BACE2: variants seen among roughly 807,000 people sequenced by gnomAD.
BACE2 encodes beta-secretase 2, also known as 56 kDa aspartic-like protease.
A neutral mutation model predicts 46.2 loss-of-function variants in BACE2; 17 were observed. The ratio of observed to expected loss-of-function variants is 0.37; its 90% CI spans 0.25 to 0.55. The LOEUF is 0.55. Ranked by LOEUF, BACE2 falls within the 20% of genes least tolerant of loss-of-function variation. The pLI is 0.82. For missense variants in BACE2, 595 were observed against 698.1 expected (o/e 0.85, Z 1.66); for synonymous variants, 277 against 295.9 (o/e 0.94, Z 0.66).
chr21:41,219,692 T>A (rs1206419674), intron 1 of BACE2, among the ~76,000 whole-genome samples: 4 of 152,256 alleles, frequency 2.6e-5, no homozygotes. Flanking sequence ...ATGCAAGAAT[T>A]ACTCAGCCTC....
At chr21:41,250,571 AT>A (rs1367593477) in intron 6 of BACE2, among the ~76,000 whole-genome samples, 180 bp from the exon 7 acceptor site, 1 of 152,192 alleles carries the variant, frequency 6.6e-6, no homozygotes, top group African/African-American at 2.4e-5. Flanking sequence ...GACAATTTTA[AT>A]CATTATTATT....
chr21:41,195,608 A>G (rs572709169), intron 1 of BACE2, among the ~76,000 whole-genome samples: 3 of 152,182 alleles, frequency 2.0e-5, no homozygotes, highest in East Asian at 1.9e-4. Flanking sequence ...CCCTGTTTCA[A>G]TCCTGGTGAG....
chr21:41,176,902 G>C (rs7844), intron 1 of BACE2: 86,529 of 152,090 alleles, frequency 0.57, 25,700 homozygotes, highest in East Asian at 0.96. Flanking sequence ...TGGACAGATA[G>C]TCCATTCTTC....
At chr21:41,261,034 A>C (rs1391750079) in intron 8 of BACE2, among the ~76,000 whole-genome samples, 1 of 152,136 alleles carries the variant, frequency 6.6e-6, no homozygotes, top group Non-Finnish European at 1.5e-5. Flanking sequence ...ATACTATCTC[A>C]CTTTATGAAT....
intron 6 of BACE2, among the ~76,000 whole-genome samples, chr21:41,249,320 AC>A (rs1987569886): frequency 5.4e-5 from 8 of 148,372 alleles, no homozygotes; most frequent in African/African-American, 1.0e-4. Context: ...GGGACTCAGG[AC>A]TAGTGAGCCC....
intron 8 of BACE2, among the ~76,000 whole-genome samples, chr21:41,267,143 G>A (rs955932198): frequency 5.3e-5 from 8 of 152,140 alleles, no homozygotes; most frequent in Non-Finnish European, 1.2e-4. Context: ...GCAGGATGGC[G>A]GTGGGTGGGA....
chr21:41,196,068 TGAGGTCAG>T (rs1310758126), intron 1 of BACE2, among the ~76,000 whole-genome samples: 2 of 152,040 alleles, frequency 1.3e-5, no homozygotes, highest in Non-Finnish European at 2.9e-5. Flanking sequence ...GCAGATCACT[TGAGGTCAG>T]GAGTTTGAGA....
intron 7 of BACE2, among the ~76,000 whole-genome samples, chr21:41,254,118 G>A (rs1194909180): frequency 6.6e-6 from 1 of 152,198 alleles, no homozygotes; most frequent in Non-Finnish European, 1.5e-5. Flanking sequence ...TAATAAGTGG[G>A]CAAACGATTG....
chr21:41,179,212 G>T (rs1199792773), intron 1 of BACE2: 2 of 1,281,144 alleles, frequency 1.6e-6, no homozygotes, highest in South Asian at 1.3e-5. Flanking sequence ...GTTGAGTGAG[G>T]GTGTCCAGGA....
intron 3 of BACE2, among the ~76,000 whole-genome samples, chr21:41,239,443 T>C (rs1157226529): frequency 2.0e-5 from 3 of 152,180 alleles, no homozygotes; most frequent in Non-Finnish European, 4.4e-5. Flanking sequence ...AGCAGTGTAA[T>C]CTCAGCTCAC....
intron 8 of BACE2, among the ~76,000 whole-genome samples, chr21:41,260,354 A>G (rs532978222): frequency 2.0e-5 from 3 of 152,318 alleles, no homozygotes; most frequent in East Asian, 3.9e-4. Flanking sequence ...TGCGTTGCCC[A>G]GGCTGGTCTT....
chr21:41,168,663 GCC>G, intron 1 of BACE2, 88 bp downstream of exon 1: 1 of 1,036,994 alleles, frequency 9.6e-7, no homozygotes, highest in Non-Finnish European at 1.2e-6. Flanking sequence ...GCTTAGCGTC[GCC>G]CCCAAAGCAG....
At chr21:41,268,960 T>C (rs1054755103) in intron 8 of BACE2, among the ~76,000 whole-genome samples, 4 of 151,730 alleles carry the variant, frequency 2.6e-5, no homozygotes, top group Admixed American at 2.0e-4. Flanking sequence ...CTCTTCTCTT[T>C]TCTTTTTTTT....
intron 3 of BACE2, chr21:41,241,602 A>C: frequency 1.9e-6 from 1 of 530,676 alleles, no homozygotes; most frequent in Non-Finnish European, 3.3e-6. Context: ...TTATTTGTAC[A>C]ACAGAGCCGT....
intron 1 of BACE2, among the ~76,000 whole-genome samples, chr21:41,187,128 A>C (rs1285007426): frequency 6.6e-6 from 1 of 152,148 alleles, no homozygotes; most frequent in Non-Finnish European, 1.5e-5. Context: ...GAGGTTATAA[A>C]TGTGGGCCAC....
intron 1 of BACE2, among the ~76,000 whole-genome samples, chr21:41,201,058 T>G (rs1398448801): frequency 6.6e-6 from 1 of 152,184 alleles, no homozygotes; most frequent in Non-Finnish European, 1.5e-5. Flanking sequence ...CCTAGCCTTC[T>G]TAGTTGGCCA....
intron 8 of BACE2, among the ~76,000 whole-genome samples, chr21:41,271,683 T>C (rs62219579): frequency 0.098 from 14,984 of 152,170 alleles, 767 homozygotes; most frequent in East Asian, 0.15. Context: ...CTTTAGAATA[T>C]GTAGTGTAAA....
At chr21:41,207,963 T>C (rs529166979) in intron 1 of BACE2, among the ~76,000 whole-genome samples, 97 of 152,316 alleles carry the variant, frequency 6.4e-4, no homozygotes, top group African/African-American at 2.2e-3. Flanking sequence ...CCGCTTACAA[T>C]GGTGACGTTG....
chr21:41,174,283 C>T (rs935021496), intron 1 of BACE2, among the ~76,000 whole-genome samples: 2 of 151,756 alleles, frequency 1.3e-5, no homozygotes, highest in Non-Finnish European at 2.9e-5. Flanking sequence ...GCTGCGACTA[C>T]AGGTGTGTGC....
Sources: gnomAD v4.1 joint callset for allele counts (sites outside exome capture counted in the v4.1 genomes callset) on GRCh38, gnomAD v4.1.1 for gene constraint, MANE v1.5 for transcripts, NCBI Gene and HGNC (gene_info 2026-07-23, HGNC 2026-07-21) for gene names.